TRPM3: variants seen among roughly 807,000 people sequenced by gnomAD.
TRPM3 encodes the protein long transient receptor potential channel 3.
In TRPM3, 77 loss-of-function variants were observed where a neutral mutation model predicts 181.2. The observed-to-expected ratio is 0.42, with a 90% CI of 0.35 to 0.51. TRPM3 has a LOEUF of 0.51. TRPM3 is among the 20% of genes least tolerant of loss of function. The pLI is 0.01. For synonymous variants in TRPM3, 745 were observed against 796.4 expected, an observed-to-expected ratio of 0.94 and a Z score of 1.09; for missense variants, 1,759 against 2,196.7, an observed-to-expected ratio of 0.80 and a Z score of 3.98.
At chr9:70,946,792 G>T (rs746152098) in intron 1 of TRPM3, among the ~76,000 whole-genome samples, 1 of 151,840 alleles carries the variant, frequency 6.6e-6, no homozygotes, top group Non-Finnish European at 1.5e-5. Flanking sequence ...ACACAGAATA[G>T]TCTTGCCTGT....
chr9:70,664,944 C>A (rs555532665), intron 9 of TRPM3, among the ~76,000 whole-genome samples: 1 of 152,122 alleles, frequency 6.6e-6, no homozygotes, highest in African/African-American at 2.4e-5. Flanking sequence ...GCCACCACAC[C>A]GGCCTAGGAA....
intron 16 of TRPM3, 71 bp from the exon 17 acceptor site, chr9:70,619,166 T>C: frequency 1.5e-6 from 2 of 1,320,118 alleles, no homozygotes; most frequent in Non-Finnish European, 2.1e-6. Context: ...GTGGACCTGC[T>C]GGCCAACCAG....
At chr9:70,987,946 G>A (rs1249948096) in intron 1 of TRPM3, among the ~76,000 whole-genome samples, 1 of 152,072 alleles carries the variant, frequency 6.6e-6, no homozygotes, top group Non-Finnish European at 1.5e-5. Flanking sequence ...CCAGACCTTG[G>A]ATTAGTGTAC....
intron 1 of TRPM3, among the ~76,000 whole-genome samples, chr9:71,076,786 T>G (rs1033103519): frequency 1.5e-4 from 23 of 152,306 alleles, no homozygotes; most frequent in African/African-American, 5.1e-4. Flanking sequence ...GTGAATTGTA[T>G]CTGTGGCTGG....
At chr9:71,089,086 C>G (rs1482201833) in intron 1 of TRPM3, among the ~76,000 whole-genome samples, 1 of 146,926 alleles carries the variant, frequency 6.8e-6, no homozygotes, top group Middle Eastern at 3.2e-3. Flanking sequence ...CACATATATG[C>G]ACCATATATA....
At chr9:71,319,465 A>G (rs1207696222) in intron 1 of TRPM3, among the ~76,000 whole-genome samples, 1 of 152,134 alleles carries the variant, frequency 6.6e-6, no homozygotes, top group East Asian at 1.9e-4. Flanking sequence ...TTCCAGCTTG[A>G]GAATGAATCT....
chr9:70,936,093 G>C (rs934191116), intron 1 of TRPM3, among the ~76,000 whole-genome samples: 4 of 152,104 alleles, frequency 2.6e-5, no homozygotes, highest in Non-Finnish European at 4.4e-5. Context: ...AGCATTCTTG[G>C]GGATGACTGC....
intron 1 of TRPM3, among the ~76,000 whole-genome samples, chr9:71,400,037 T>G (rs2093306150): frequency 6.6e-6 from 1 of 152,196 alleles, no homozygotes. Flanking sequence ...GGAGTTGTTT[T>G]GGGTAACCAC....
At chr9:71,001,786 G>A (rs1373727707) in intron 1 of TRPM3, among the ~76,000 whole-genome samples, 1 of 152,216 alleles carries the variant, frequency 6.6e-6, no homozygotes, top group Non-Finnish European at 1.5e-5. Flanking sequence ...AGACACATAT[G>A]TCATCTATTG....
chr9:70,799,618 A>G (rs998412796), intron 6 of TRPM3, among the ~76,000 whole-genome samples: 1 of 152,142 alleles, frequency 6.6e-6, no homozygotes, highest in African/African-American at 2.4e-5. Context: ...CTCTCCACAT[A>G]TAGAATTGAA....
chr9:70,610,759 A>AAGAG lies in TRPM3; in HGVS notation c.2527-14_2527-11dup. ...TTCGTCCCAACATTGCCTATGTTGG[A>AAGAG]AGAGAATCGATACCATCATGACAGG... is the stretch of plus-strand genomic sequence containing the variant. On this transcript the variant is annotated splice_polypyrimidine_tract_variant and intron_variant, in intron 18 of 25. Transcript: ENST00000677713. The AAGAG allele has an allele frequency of 1.2e-6, 2 of 1,613,928 alleles. No individual in the cohort carries two copies. The highest frequency in any genetic ancestry group is 1.3e-5 in the African/African-American group (1 of 75,026).
intron 1 of TRPM3, among the ~76,000 whole-genome samples, chr9:71,392,089 A>C (rs963740646): frequency 6.6e-6 from 1 of 152,146 alleles, no homozygotes; most frequent in African/African-American, 2.4e-5. Flanking sequence ...AGCAGAAACT[A>C]AAAAGAGAAA....
At chr9:71,276,493 G>A (rs942009197) in intron 1 of TRPM3, among the ~76,000 whole-genome samples, 6 of 152,166 alleles carry the variant, frequency 3.9e-5, no homozygotes, top group Non-Finnish European at 7.4e-5. Flanking sequence ...GAAACACTAT[G>A]AGAAAATAAG....
chr9:70,741,980 A>G (rs1458619805), intron 8 of TRPM3, among the ~76,000 whole-genome samples: 3 of 152,148 alleles, frequency 2.0e-5, no homozygotes, highest in South Asian at 2.1e-4. Flanking sequence ...TGAAATAAGA[A>G]AGAAAACAAC....
chr9:70,561,913 T>C (rs985045977), intron 22 of TRPM3, among the ~76,000 whole-genome samples: 1 of 152,152 alleles, frequency 6.6e-6, no homozygotes, highest in Non-Finnish European at 1.5e-5. Flanking sequence ...AGAGAGAAAG[T>C]GTTAGTTTAA....
At chr9:70,957,145 G>T (rs767294782) in intron 1 of TRPM3, among the ~76,000 whole-genome samples, 8 of 151,926 alleles carry the variant, frequency 5.3e-5, no homozygotes, top group Non-Finnish European at 1.0e-4. Flanking sequence ...TGTATTTTTA[G>T]TAGAGACGGG....
chr9:71,278,063 T>C (rs1248685726), intron 1 of TRPM3, among the ~76,000 whole-genome samples: 1 of 152,246 alleles, frequency 6.6e-6, no homozygotes, highest in Non-Finnish European at 1.5e-5. Context: ...TGCTCGGATG[T>C]GTATCACCTA....
At chr9:70,771,216 C>A (rs773130318) in intron 7 of TRPM3, among the ~76,000 whole-genome samples, 1 of 152,082 alleles carries the variant, frequency 6.6e-6, no homozygotes, top group Admixed American at 6.6e-5. Context: ...AGAGAAGGCA[C>A]AAATCAGCAA....
intron 1 of TRPM3, among the ~76,000 whole-genome samples, chr9:71,017,197 C>G (rs1484084244): frequency 6.6e-6 from 1 of 152,044 alleles, no homozygotes; most frequent in African/African-American, 2.4e-5. Flanking sequence ...TGATATATTT[C>G]TGCTTTGCTC....
Sources: gnomAD v4.1 joint callset for allele counts (sites outside exome capture counted in the v4.1 genomes callset) on GRCh38, gnomAD v4.1.1 for gene constraint, MANE v1.5 for transcripts, NCBI Gene and HGNC (gene_info 2026-07-23, HGNC 2026-07-21) for gene names.